ANKIB1: variants seen among roughly 807,000 people sequenced by gnomAD.
ANKIB1 encodes ankyrin repeat and IBR domain-containing protein 1.
In ANKIB1, 43 loss-of-function variants were observed where a neutral mutation model predicts 122.1. That is an observed-to-expected ratio of 0.35 (90% confidence interval 0.28 to 0.45). The LOEUF (loss-of-function observed/expected upper bound fraction) is 0.45, where lower values mean the gene tolerates loss of function less well. Among genes scored for constraint, ANKIB1 ranks in the 20% least tolerant of loss-of-function variants. ANKIB1 has a pLI of 1.00. For missense variants in ANKIB1, 992 were observed against 1,329.5 expected, an observed-to-expected ratio of 0.75 and a Z score of 3.95; for synonymous variants, 390 against 442.0, an observed-to-expected ratio of 0.88 and a Z score of 1.48.
At position 92,246,031 on chromosome 7, in the gene ANKIB1, CAG is replaced by C. The variant is rs1022616405; in HGVS notation, c.-578_-577del. The C allele has an allele frequency of 2.3e-5, 6 of 265,588 alleles. No homozygotes were observed. Among genetic ancestry groups the C allele is most frequent in the African/African-American group, 1.4e-4 (6 of 41,986 alleles). 16.5% of individuals were successfully genotyped at this position (265,588 alleles called of 1,614,324 possible). A position where few individuals can be genotyped will look rare whatever the true frequency, so the allele number is the denominator to read the frequency against. ...CCTTTTCACTGGACCTGCAGTCTCT[CAG>C]GGGCTGGTGGCAGGCGACTAGGAGA... On this transcript the variant is annotated 5_prime_UTR_variant, in exon 1 of 20. Coordinates refer to ENST00000265742, the MANE Select transcript of ANKIB1 (RefSeq NM_019004.2).
intron 1 of ANKIB1, among the ~76,000 whole-genome samples, chr7:92,287,411 T>C (rs1300833123): frequency 5.3e-5 from 8 of 152,238 alleles, no homozygotes; most frequent in Non-Finnish European, 1.2e-4. Flanking sequence ...ATCTCTCAAC[T>C]TGAGTTTCTG....
intron 4 of ANKIB1, among the ~76,000 whole-genome samples, chr7:92,327,361 A>G (rs1803050103): frequency 6.6e-6 from 1 of 152,196 alleles, no homozygotes; most frequent in African/African-American, 2.4e-5. Flanking sequence ...AATGATAATC[A>G]TGTACAGTCA....
At chr7:92,345,104 A>G (rs748170843) in intron 7 of ANKIB1, 38 bp downstream of exon 7, 2 of 1,369,540 alleles carry the variant, frequency 1.5e-6, no homozygotes, top group South Asian at 1.2e-5. Context: ...TTACTGCATG[A>G]TAGCACTCTG....
intron 2 of ANKIB1, among the ~76,000 whole-genome samples, chr7:92,296,091 T>C (rs558959705): frequency 5.3e-5 from 8 of 152,330 alleles, no homozygotes; most frequent in Non-Finnish European, 1.0e-4. Flanking sequence ...TACAAATTAT[T>C]GTTCCAATTA....
chr7:92,310,517 A>G (rs1271466489), intron 3 of ANKIB1, among the ~76,000 whole-genome samples: 1 of 152,162 alleles, frequency 6.6e-6, no homozygotes, highest in Non-Finnish European at 1.5e-5. Flanking sequence ...AGGGAAGCAT[A>G]TATTAACTAT....
chr7:92,309,339 C>A (rs932082095), intron 3 of ANKIB1, among the ~76,000 whole-genome samples: 1 of 152,202 alleles, frequency 6.6e-6, no homozygotes, highest in Non-Finnish European at 1.5e-5. Flanking sequence ...CCTCCCTCAT[C>A]TTCTGGAGTA....
intron 1 of ANKIB1, among the ~76,000 whole-genome samples, chr7:92,289,276 T>TA (rs1802199769): frequency 6.6e-6 from 1 of 152,220 alleles, no homozygotes; most frequent in Admixed American, 6.5e-5. Flanking sequence ...AGATCAAGCT[T>TA]AAAAACCTGC....
At chr7:92,256,575 A>G (rs1801450520) in intron 1 of ANKIB1, among the ~76,000 whole-genome samples, 1 of 152,206 alleles carries the variant, frequency 6.6e-6, no homozygotes, top group South Asian at 2.1e-4. Context: ...AATATGAGGC[A>G]GTATACTAAT....
rs759153743 is a variant in ANKIB1, at chr7:92,389,989, A to G, written c.1925A>G (p.Asp642Gly). 2 of 1,599,494 alleles carry G rather than the reference A, an allele frequency of 1.3e-6. No homozygotes were observed. Among genetic ancestry groups the G allele is most frequent in the Non-Finnish European group, 8.5e-7 (1 of 1,175,456 alleles). ...ALKETEGGCP[D>G]TTFIEDAVHV... ...TTTTTAGCTGAAGGAGGCTGTCCAG[A>G]TACCACTTTCATTGAAGATGCAGTT... Residue 642 changes from aspartate to glycine, a missense_variant, in exon 15 of 20, where the codon GAT (aspartate) becomes GGT (glycine). Transcript: ENST00000265742.
At position 92,340,046 on chromosome 7, in the gene ANKIB1, G is replaced by A. The variant is rs142809981; in HGVS notation, c.788-2978G>A. ...GTGTTTTTTCTCCCTTGGCCTTAAA[G>A]AACATTAATTTGTGTCTCAAATGGG... On this transcript the variant is annotated intron_variant, in intron 5 of 19. Transcript: ENST00000265742. 2.0e-3 allele frequency among the ~76,000 whole-genome samples: 306 copies of A among 151,946 alleles called. 1 individual carries two copies. Among genetic ancestry groups the A allele is most frequent in the African/African-American group, 7.2e-3 (297 of 41,458 alleles).
chr7:92,267,444 T>G (rs569276792), intron 1 of ANKIB1, among the ~76,000 whole-genome samples: 20 of 152,194 alleles, frequency 1.3e-4, no homozygotes, highest in Non-Finnish European at 2.4e-4. Flanking sequence ...AGTTTTACCA[T>G]TGTGGTTCTT....
chr7:92,284,404 C>T (rs975922909), intron 1 of ANKIB1, among the ~76,000 whole-genome samples: 3 of 152,132 alleles, frequency 2.0e-5, no homozygotes, highest in African/African-American at 7.2e-5. Flanking sequence ...TCAGATTCAG[C>T]CTTTTTATCT....
At chr7:92,323,781 T>C (rs1324904039) in intron 4 of ANKIB1, among the ~76,000 whole-genome samples, 1 of 152,202 alleles carries the variant, frequency 6.6e-6, no homozygotes, top group Non-Finnish European at 1.5e-5. Context: ...AATGAACTAC[T>C]AATACACACT....
At chr7:92,366,990 A>G (rs774279255) in intron 10 of ANKIB1, among the ~76,000 whole-genome samples, 49 of 152,158 alleles carry the variant, frequency 3.2e-4, no homozygotes, top group African/African-American at 9.2e-4. Flanking sequence ...TAGTGAGAAC[A>G]GATTATGGGC....
At chr7:92,338,933 A>AAAAAAATATATATAT (rs1562786305) in intron 5 of ANKIB1, among the ~76,000 whole-genome samples, 1 of 21,918 alleles carries the variant, frequency 4.6e-5, no homozygotes, top group Non-Finnish European at 8.0e-5. Flanking sequence ...AAAAAAAAAA[A>AAAAAAATATATATAT]ATATATATAT....
At chr7:92,315,747 A>G (rs1802781759) in intron 3 of ANKIB1, among the ~76,000 whole-genome samples, 1 of 152,186 alleles carries the variant, frequency 6.6e-6, no homozygotes, top group Admixed American at 6.5e-5. Flanking sequence ...TTTCTGGAAT[A>G]TTGTTTCATT....
chr7:92,246,765 C>G (rs1328733448), intron 1 of ANKIB1, among the ~76,000 whole-genome samples: 1 of 152,228 alleles, frequency 6.6e-6, no homozygotes, highest in Non-Finnish European at 1.5e-5. Flanking sequence ...TCCTCCCCAT[C>G]TGGATGCATC....
At chr7:92,291,435 T>C (rs1375588700) in intron 1 of ANKIB1, among the ~76,000 whole-genome samples, 5 of 152,174 alleles carry the variant, frequency 3.3e-5, no homozygotes, top group Admixed American at 3.3e-4. Flanking sequence ...CCTAAATATA[T>C]ACACCTACTA....
chr7:92,342,345 G>A (rs975870418), intron 5 of ANKIB1, among the ~76,000 whole-genome samples: 9 of 152,148 alleles, frequency 5.9e-5, no homozygotes, highest in African/African-American at 2.2e-4. Flanking sequence ...GTAATTGAAT[G>A]TATTAGTTTG....
Sources: gnomAD v4.1 joint callset for allele counts (sites outside exome capture counted in the v4.1 genomes callset) on GRCh38, gnomAD v4.1.1 for gene constraint, MANE v1.5 for transcripts, NCBI Gene and HGNC (gene_info 2026-07-23, HGNC 2026-07-21) for gene names.